The following LSAMP variants were observed in gnomAD, a reference collection of about 807,000 sequenced individuals.
The protein encoded by LSAMP is limbic system-associated membrane protein.
In LSAMP, 7 loss-of-function variants were observed where a neutral mutation model predicts 38.6. The ratio of observed to expected loss-of-function variants is 0.18; its 90% CI spans 0.10 to 0.34. The LOEUF is 0.34. Among genes scored for constraint, LSAMP ranks in the 10% least tolerant of loss-of-function variants. The pLI is 1.00. For missense variants in LSAMP, 313 were observed against 420.0 expected (o/e 0.75, Z 2.23); for synonymous variants, 154 against 166.8 (o/e 0.92, Z 0.59).
chr3:116,134,622 C>T (rs1709206567), intron 1 of LSAMP, among the ~76,000 whole-genome samples: 1 of 152,198 alleles, frequency 6.6e-6, no homozygotes, highest in Non-Finnish European at 1.5e-5. Context: ...TGTGTTCGTC[C>T]ACCATCTTCC....
At position 116,158,847 on chromosome 3, in the gene LSAMP, T is replaced by C. The variant is rs545103724; in HGVS notation, c.156-72291A>G. 2.0e-5 allele frequency among the ~76,000 whole-genome samples: 3 copies of C among 152,206 alleles called. No homozygotes were observed. The East Asian group carries it at 5.8e-4, about 29-fold the overall frequency. On this transcript the variant is annotated intron_variant, in intron 1 of 6. Coordinates refer to ENST00000490035, the MANE Select transcript of LSAMP (RefSeq NM_002338.5). ...CACTCTTCACAGGATTAGAAAAAAC[T>C]ATTTTAAAATTCACGAGAACCAAAA...
intron 2 of LSAMP, among the ~76,000 whole-genome samples, chr3:116,081,199 C>T (rs1444706968): frequency 2.0e-5 from 3 of 152,190 alleles, no homozygotes; most frequent in Admixed American, 1.3e-4. Context: ...CGAGGTGGCT[C>T]ATGCCTGTAT....
chr3:116,147,286 C>T lies in LSAMP; in HGVS notation c.156-60730G>A, dbSNP rs145953003. On this transcript the variant is annotated intron_variant, in intron 1 of 6. Transcript: ENST00000490035. ...ACACATCATCTCTGTGTTTAATATTCCCATACAATCCATTGACAGAAACAT... is the reference window on the plus strand; with the variant it reads ...ACACATCATCTCTGTGTTTAATATTTCCATACAATCCATTGACAGAAACAT... 2.3e-3 allele frequency among the ~76,000 whole-genome samples: 349 copies of T among 151,920 alleles called. 1 individual carries two copies. The highest frequency in any genetic ancestry group is 7.6e-3 in the African/African-American group (315 of 41,498).
chr3:115,990,895 G>A (rs1939647995), intron 3 of LSAMP, among the ~76,000 whole-genome samples: 1 of 151,992 alleles, frequency 6.6e-6, no homozygotes, highest in Admixed American at 6.6e-5. Flanking sequence ...ATGGCCCCAG[G>A]AAACTCCATT....
At chr3:115,891,015 G>T (rs1057013304) in intron 3 of LSAMP, among the ~76,000 whole-genome samples, 1 of 151,928 alleles carries the variant, frequency 6.6e-6, no homozygotes, top group Non-Finnish European at 1.5e-5. Flanking sequence ...TTGATAAGGA[G>T]TGTTTCCATT....
chr3:116,158,926 G>GAAAACAAAAC (rs1157933309), intron 1 of LSAMP, among the ~76,000 whole-genome samples: 2 of 151,460 alleles, frequency 1.3e-5, no homozygotes, highest in African/African-American at 4.8e-5. Flanking sequence ...AAACAAAACA[G>GAAAACAAAAC]AAAACAAAAC....
intron 1 of LSAMP, among the ~76,000 whole-genome samples, chr3:116,141,338 A>G (rs1037890755): frequency 6.6e-6 from 1 of 151,924 alleles, no homozygotes; most frequent in Non-Finnish European, 1.5e-5. Flanking sequence ...GATGCGGAGA[A>G]GAGTGAGAAG....
At chr3:115,997,969 C>A (rs13086615) in intron 3 of LSAMP, among the ~76,000 whole-genome samples, 64,698 of 146,466 alleles carry the variant, frequency 0.44, 15,612 homozygotes, top group African/African-American at 0.65. Context: ...TATAATACTT[C>A]TATATATCGT....
In LSAMP at chr3:116,092,341, T is replaced by C. The variant is rs116221023; in HGVS notation, c.156-5785A>G. Among the ~76,000 whole-genome samples the C allele has an allele frequency of 2.5e-3, 386 of 152,268 alleles. 1 individual carries two copies. Among genetic ancestry groups the C allele is most frequent in the African/African-American group, 8.9e-3 (371 of 41,562 alleles). On this transcript the variant is annotated intron_variant, in intron 1 of 6. Coordinates refer to ENST00000490035, the MANE Select transcript of LSAMP (RefSeq NM_002338.5). ...AGGAGAGAAAAAATGTGTTCCTGTGTCCACTATGAAGAAATATCATCTCTA... is the reference window on the plus strand; with the variant it reads ...AGGAGAGAAAAAATGTGTTCCTGTGCCCACTATGAAGAAATATCATCTCTA...
At chr3:115,811,196 G>T (rs958846034) in intron 6 of LSAMP, among the ~76,000 whole-genome samples, 2 of 152,154 alleles carry the variant, frequency 1.3e-5, no homozygotes, top group African/African-American at 4.8e-5. Flanking sequence ...CGTGTTTCCT[G>T]CTGCCACCTT....
intron 3 of LSAMP, among the ~76,000 whole-genome samples, chr3:115,861,189 CCTTCCTTCCTTCCTTCCTTT>C (rs1206836394): frequency 2.8e-5 from 3 of 108,172 alleles, no homozygotes; most frequent in East Asian, 3.2e-4. Flanking sequence ...TTCCTTCCTT[CCTTCCTTCCTTCCTTCCTTT>C]CCTTCCTCCC....
chr3:116,351,507 T>C (rs2048139545), intron 1 of LSAMP, among the ~76,000 whole-genome samples: 1 of 152,048 alleles, frequency 6.6e-6, no homozygotes, highest in African/African-American at 2.4e-5. Flanking sequence ...TTCACATATG[T>C]ACCCATACAT....
chr3:115,898,648 T>A (rs1413257443), intron 3 of LSAMP, among the ~76,000 whole-genome samples: 1 of 151,252 alleles, frequency 6.6e-6, no homozygotes, highest in Non-Finnish European at 1.5e-5. Context: ...ATTTCTTTGA[T>A]CTTAACAAGA....
At chr3:116,442,863 T>C (rs1301481015) in intron 1 of LSAMP, among the ~76,000 whole-genome samples, 1 of 152,196 alleles carries the variant, frequency 6.6e-6, no homozygotes, top group Non-Finnish European at 1.5e-5. Context: ...GCCATAGACA[T>C]ACAAAAGCAC....
chr3:116,159,977 C>T (rs1369607114), intron 1 of LSAMP, among the ~76,000 whole-genome samples: 1 of 152,226 alleles, frequency 6.6e-6, no homozygotes, highest in South Asian at 2.1e-4. Flanking sequence ...TCACACAGGA[C>T]AGAAAACAAA....
chr3:116,315,243 C>T (rs545659079), intron 1 of LSAMP, among the ~76,000 whole-genome samples: 14 of 152,314 alleles, frequency 9.2e-5, no homozygotes, highest in African/African-American at 3.4e-4. Flanking sequence ...CAGAGGCCTA[C>T]TTCTTCCTAT....
intron 1 of LSAMP, among the ~76,000 whole-genome samples, chr3:116,356,123 T>C (rs2048220003): frequency 2.0e-5 from 3 of 152,180 alleles, no homozygotes. Flanking sequence ...AAGAGATAAC[T>C]GCATTTCAAT....
At chr3:116,252,007 T>C (rs540079717) in intron 1 of LSAMP, among the ~76,000 whole-genome samples, 1 of 152,300 alleles carries the variant, frequency 6.6e-6, no homozygotes, top group African/African-American at 2.4e-5. Context: ...ATCTCATGAA[T>C]TGTTTAACAT....
At chr3:116,409,865 A>G (rs923048528) in intron 1 of LSAMP, among the ~76,000 whole-genome samples, 2 of 152,054 alleles carry the variant, frequency 1.3e-5, no homozygotes, top group African/African-American at 2.4e-5. Flanking sequence ...TTATTTACGG[A>G]GGCATGCTGA....
Sources: gnomAD v4.1 joint callset for allele counts (sites outside exome capture counted in the v4.1 genomes callset) on GRCh38, gnomAD v4.1.1 for gene constraint, MANE v1.5 for transcripts, NCBI Gene and HGNC (gene_info 2026-07-23, HGNC 2026-07-21) for gene names.